FBXO40: variants seen among roughly 807,000 people sequenced by gnomAD.
FBXO40 encodes the protein F-box only protein 40.
FBXO40 carries 50 observed loss-of-function variants against 49.9 expected under a neutral mutation model. The ratio of observed to expected loss-of-function variants is 1.00; its 90% confidence interval spans 0.80 to 1.27. The LOEUF (loss-of-function observed/expected upper bound fraction) is 1.27. Ranked by LOEUF, FBXO40 falls within the 50% of genes most tolerant of loss-of-function variation. The pLI, the probability that FBXO40 is intolerant of heterozygous loss-of-function variation, is 0.00. For synonymous variants in FBXO40, 340 were observed against 320.2 expected, an observed-to-expected ratio of 1.06 and a Z score of -0.66; for missense variants, 895 against 870.1, an observed-to-expected ratio of 1.03 and a Z score of -0.36.
intron 1 of FBXO40, among the ~76,000 whole-genome samples, chr3:121,612,468 C>T (rs1003407745): frequency 2.0e-5 from 3 of 152,170 alleles, no homozygotes; most frequent in African/African-American, 7.2e-5. Context: ...CTCCGGAGCA[C>T]TTGAACTTAC....
At chr3:121,611,760 G>A (rs1314760723) in intron 1 of FBXO40, among the ~76,000 whole-genome samples, 6 of 152,336 alleles carry the variant, frequency 3.9e-5, no homozygotes, top group Admixed American at 3.3e-4. Context: ...ACAATACCCC[G>A]CTTTCAAGGG....
intron 1 of FBXO40, among the ~76,000 whole-genome samples, chr3:121,615,748 C>T (rs1055138007): frequency 2.6e-5 from 4 of 152,156 alleles, no homozygotes; most frequent in African/African-American, 9.7e-5. Context: ...GGGCTGCACT[C>T]TCAGGACATC....
intron 2 of FBXO40, among the ~76,000 whole-genome samples, chr3:121,621,074 G>C (rs909850800): frequency 6.6e-6 from 1 of 152,134 alleles, no homozygotes; most frequent in South Asian, 2.1e-4. Flanking sequence ...TGTTCTAATA[G>C]CAAGATAAAA....
At chr3:121,613,779 C>T (rs978724349) in intron 1 of FBXO40, among the ~76,000 whole-genome samples, 1 of 152,170 alleles carries the variant, frequency 6.6e-6, no homozygotes, top group African/African-American at 2.4e-5. Context: ...CTTCTTGTTT[C>T]CAGTGTCCCT....
Position 121,599,091 on chromosome 3 carries a change from T to A in FBXO40, c.-31+5589T>A, listed in dbSNP as rs140908995. Among the ~76,000 whole-genome samples, 936 of 152,168 alleles carry A rather than the reference T, an allele frequency of 6.2e-3. 8 individuals carry two copies. The highest frequency in any genetic ancestry group is 0.021 in the African/African-American group (885 of 41,502). ...TTTAAAACTCATATTTTGGAGAAAA[T>A]GTGTTGACCATATATTTAACTGTAG... On this transcript the variant is annotated intron_variant, in intron 1 of 3. Coordinates refer to ENST00000338040, the MANE Select transcript of FBXO40 (RefSeq NM_016298.4).
chr3:121,607,754 C>T (rs1308116611), intron 1 of FBXO40, among the ~76,000 whole-genome samples: 1 of 152,054 alleles, frequency 6.6e-6, no homozygotes, highest in African/African-American at 2.4e-5. Context: ...CAGATAGGCT[C>T]CTTTATGTTG....
chr3:121,601,042 A>T (rs1317878387), intron 1 of FBXO40, among the ~76,000 whole-genome samples: 2 of 152,148 alleles, frequency 1.3e-5, no homozygotes, highest in African/African-American at 4.8e-5. Flanking sequence ...TGATCAATCA[A>T]CTGTCCAGAT....
intron 1 of FBXO40, among the ~76,000 whole-genome samples, chr3:121,616,610 C>T (rs116004654): frequency 0.039 from 5,956 of 152,306 alleles, 140 homozygotes; most frequent in Non-Finnish European, 0.055. Flanking sequence ...TCACAGCTGA[C>T]TCTAATGAAC....
intron 1 of FBXO40, among the ~76,000 whole-genome samples, chr3:121,609,750 C>T (rs1483097985): frequency 6.6e-6 from 1 of 152,162 alleles, no homozygotes. Context: ...ACTAAAAAGC[C>T]ATGCAAGAAA....
chr3:121,615,381 A>G (rs2048991700), intron 1 of FBXO40, among the ~76,000 whole-genome samples: 1 of 151,476 alleles, frequency 6.6e-6, no homozygotes. Flanking sequence ...ACATGGCAAA[A>G]CCCCGTCTCT....
rs1265114436 is a variant in FBXO40 at position 121,623,197 on chromosome 3, A to G, written c.1768A>G (p.Ser590Gly). Reference sequence around the variant, plus strand: ...GAAGTACATTGCTGGGTTCTTGGACAGCGTCAGCCTGGCCCAGCTCTCCCA... The same window carrying G: ...GAAGTACATTGCTGGGTTCTTGGACGGCGTCAGCCTGGCCCAGCTCTCCCA... Reference protein sequence around the residue: ...ILKYIAGFLDSVSLAQLSQVS... With the variant: ...ILKYIAGFLDGVSLAQLSQVS... The change falls in exon 3 of 4, where the codon AGC (serine) becomes GGC (glycine). Residue 590 changes from serine to glycine, a missense_variant. Transcript: ENST00000338040. 5.0e-6 allele frequency: 8 copies of G among 1,614,096 alleles called. No homozygotes were observed. Among genetic ancestry groups the G allele is most frequent in the Non-Finnish European group, 6.8e-6 (8 of 1,180,042 alleles).
At chr3:121,620,442 G>A (rs1474697529) in intron 1 of FBXO40, 104 bp from the exon 2 acceptor site, 1 of 1,033,586 alleles carries the variant, frequency 9.7e-7, no homozygotes, top group Admixed American at 2.0e-5. Flanking sequence ...CAGGATGGTG[G>A]AAGGAATTAA....
At chr3:121,608,583 G>A (rs563034559) in intron 1 of FBXO40, among the ~76,000 whole-genome samples, 15 of 152,344 alleles carry the variant, frequency 9.8e-5, no homozygotes, top group Middle Eastern at 3.4e-3. Context: ...TATGTCTGGT[G>A]TGTCTAACAG....
At chr3:121,603,598 G>T (rs2048912114) in intron 1 of FBXO40, among the ~76,000 whole-genome samples, 1 of 152,238 alleles carries the variant, frequency 6.6e-6, no homozygotes, top group Admixed American at 6.5e-5. Flanking sequence ...GTGGTGGTCA[G>T]CTTGGGATGT....
At chr3:121,618,881 A>G (rs1468203786) in intron 1 of FBXO40, among the ~76,000 whole-genome samples, 2 of 151,154 alleles carry the variant, frequency 1.3e-5, no homozygotes, top group African/African-American at 4.9e-5. Flanking sequence ...TGTTCATTGT[A>G]TGTATTCCTT....
At chr3:121,618,592 C>T (rs1434769960) in intron 1 of FBXO40, among the ~76,000 whole-genome samples, 5 of 149,168 alleles carry the variant, frequency 3.4e-5, no homozygotes, top group Admixed American at 2.0e-4. Context: ...GATGGGGTTT[C>T]ACCATGTTGA....
chr3:121,626,692 C>G lies in FBXO40; in HGVS notation c.1915-3C>G. On this transcript the variant is annotated splice_region_variant and splice_polypyrimidine_tract_variant and intron_variant, in intron 3 of 3. Coordinates refer to ENST00000338040, the MANE Select transcript of FBXO40 (RefSeq NM_016298.4). ...ACCTTTGAACTTCTATCTTTCTCAA[C>G]AGATCTGGCAGTTCAGCAGCCTCTT... 6.2e-7 allele frequency: 1 copy of G among 1,613,920 alleles called. No homozygotes were observed. The highest frequency in any genetic ancestry group is 8.5e-7 in the Non-Finnish European group (1 of 1,179,816).
At chr3:121,614,228 C>T (rs546464668) in intron 1 of FBXO40, among the ~76,000 whole-genome samples, 2,046 of 139,986 alleles carry the variant, frequency 0.015, 34 homozygotes, top group African/African-American at 0.051. Context: ...GATTGTGCCA[C>T]TACATTCCTT....
intron 1 of FBXO40, among the ~76,000 whole-genome samples, chr3:121,596,349 C>T (rs1356021296): frequency 6.6e-6 from 1 of 152,192 alleles, no homozygotes; most frequent in Non-Finnish European, 1.5e-5. Context: ...ACTCTGGGAG[C>T]ATAGGCAAGA....
Sources: gnomAD v4.1 joint callset for allele counts (sites outside exome capture counted in the v4.1 genomes callset) on GRCh38, gnomAD v4.1.1 for gene constraint, MANE v1.5 for transcripts, NCBI Gene and HGNC (gene_info 2026-07-23, HGNC 2026-07-21) for gene names.